Variants in PCBP3 observed in about 807,000 individuals in gnomAD.
PCBP3 encodes the protein poly(rC)-binding protein 3.
In PCBP3, 25 loss-of-function variants were observed where a neutral mutation model predicts 52.7. The observed-to-expected ratio is 0.47, with a 90% CI of 0.35 to 0.66. The LOEUF (loss-of-function observed/expected upper bound fraction) is 0.66. Among genes scored for constraint, PCBP3 ranks in the 30% least tolerant of loss-of-function variants. PCBP3 has a pLI of 0.01. For missense variants in PCBP3, 391 were observed against 490.3 expected (o/e 0.80, Z 1.91); for synonymous variants, 162 against 183.0 (o/e 0.89, Z 0.93).
At chr21:45,883,807 A>T (rs1212761913) in intron 5 of PCBP3, among the ~76,000 whole-genome samples, 1 of 152,160 alleles carries the variant, frequency 6.6e-6, no homozygotes, top group Non-Finnish European at 1.5e-5. Context: ...ACAGCATATG[A>T]TGGGGTCATA....
chr21:45,668,887 T>C lies in PCBP3; in HGVS notation c.-265T>C, dbSNP rs1403279796. ...ATTTTTTTTCAGCACATTGGAGATA[T>C]ATTTCCACAGCATCTGGCTTTTCTT... On this transcript the variant is annotated 5_prime_UTR_variant, in exon 2 of 18. Transcript: ENST00000681687. 1 of 152,238 alleles carries C rather than the reference T, an allele frequency of 6.6e-6. No homozygotes were observed. The highest frequency in any genetic ancestry group is 2.4e-5 in the African/African-American group (1 of 41,464). 9.4% of individuals were successfully genotyped at this position (152,238 alleles called of 1,614,324 possible). A position where few individuals can be genotyped will look rare whatever the true frequency, so the allele number is the denominator to read the frequency against.
chr21:45,734,553 TTTCCTCTCTGCCTTTGCCTCCC>T, intron 2 of PCBP3, among the ~76,000 whole-genome samples: 1 of 152,202 alleles, frequency 6.6e-6, no homozygotes, highest in East Asian at 1.9e-4. Flanking sequence ...ATCTCTCCCC[TTTCCTCTCTGCCTTTGCCTCCC>T]TGAATTCTCA....
intron 4 of PCBP3, among the ~76,000 whole-genome samples, chr21:45,812,564 G>A (rs2147073854): frequency 6.6e-6 from 1 of 152,174 alleles, no homozygotes; most frequent in East Asian, 1.9e-4. Flanking sequence ...AACACACCCG[G>A]CTAATTTTTG....
intron 13 of PCBP3, among the ~76,000 whole-genome samples, chr21:45,924,330 C>T (rs1447487471): frequency 4.7e-5 from 6 of 128,524 alleles, no homozygotes; most frequent in African/African-American, 1.5e-4. Context: ...AAACAGCACA[C>T]GTAAGATCGG....
At chr21:45,909,205 C>T (rs2096278207) in intron 9 of PCBP3, 150 bp from the exon 10 acceptor site, 1 of 776,860 alleles carries the variant, frequency 1.3e-6, no homozygotes, top group African/African-American at 1.8e-5. Context: ...CTGGTCCTCC[C>T]TGGCCTGGCC....
At chr21:45,696,645 G>A (rs779807144) in intron 2 of PCBP3, among the ~76,000 whole-genome samples, 1 of 152,130 alleles carries the variant, frequency 6.6e-6, no homozygotes, top group African/African-American at 2.4e-5. Context: ...ACAAAAATTA[G>A]CTGGGCATGG....
At chr21:45,849,333 G>A (rs1417048157) in intron 4 of PCBP3, among the ~76,000 whole-genome samples, 1 of 151,926 alleles carries the variant, frequency 6.6e-6, no homozygotes, top group Non-Finnish European at 1.5e-5. Context: ...AGCCTCCGGA[G>A]TAGCTGGGAT....
chr21:45,714,561 G>T (rs2084083760), intron 2 of PCBP3, among the ~76,000 whole-genome samples: 1 of 152,114 alleles, frequency 6.6e-6, no homozygotes, highest in African/African-American at 2.4e-5. Context: ...ACTTGAAAGG[G>T]ATTAATATCA....
At chr21:45,907,386 G>A (rs138561948) in intron 9 of PCBP3, among the ~76,000 whole-genome samples, 2 of 152,324 alleles carry the variant, frequency 1.3e-5, no homozygotes, top group Non-Finnish European at 2.9e-5. Flanking sequence ...CGAAAGGGCT[G>A]CCCTCACGCC....
intron 5 of PCBP3, among the ~76,000 whole-genome samples, chr21:45,862,123 C>G (rs1446384642): frequency 7.2e-6 from 1 of 139,846 alleles, no homozygotes; most frequent in Non-Finnish European, 1.5e-5. Context: ...AGCGGAGTCT[C>G]ATGGCCTAAT....
chr21:45,918,230 A>G (rs1248430775), intron 13 of PCBP3: 2 of 157,360 alleles, frequency 1.3e-5, no homozygotes, highest in African/African-American at 4.8e-5. Flanking sequence ...GCTGGGTCCC[A>G]TGCAGCTCCA....
intron 2 of PCBP3, among the ~76,000 whole-genome samples, chr21:45,680,487 T>G (rs1240972847): frequency 6.6e-6 from 1 of 152,190 alleles, no homozygotes; most frequent in African/African-American, 2.4e-5. Context: ...TATTATATTT[T>G]TAATTTGAGT....
intron 3 of PCBP3, among the ~76,000 whole-genome samples, chr21:45,754,021 A>G (rs764658501): frequency 3.9e-5 from 6 of 152,106 alleles, no homozygotes; most frequent in Non-Finnish European, 7.4e-5. Context: ...ACTATTTTTA[A>G]CTGAAACTTT....
At chr21:45,765,538 C>T (rs577912123) in intron 4 of PCBP3, among the ~76,000 whole-genome samples, 49 of 152,332 alleles carry the variant, frequency 3.2e-4, no homozygotes, top group East Asian at 9.7e-4. Flanking sequence ...CCAGGGTGCG[C>T]GCTGCCCCTC....
chr21:45,823,680 G>A (rs1323058292), intron 4 of PCBP3, among the ~76,000 whole-genome samples: 1 of 151,968 alleles, frequency 6.6e-6, no homozygotes, highest in Non-Finnish European at 1.5e-5. Flanking sequence ...GTTCAGGGAT[G>A]CTCCTCAAAG....
In PCBP3 at chr21:45,917,349, CT is replaced by C. The variant is rs1367313044; in HGVS notation, c.676-238del. On this transcript the variant is annotated intron_variant, in intron 12 of 17. Transcript: ENST00000681687. The surrounding 1 kb of genome is among the most constrained non-coding windows in gnomAD (Gnocchi z 5.3). ...GAAGCATCAAGGCTGAACTGTTTCC[CT>C]CCCACCCGCTGAACTGGCCAGCTCA... The C allele has an allele frequency of 2.2e-6, 1 of 447,362 alleles. No individual in the cohort carries two copies. The highest frequency in any genetic ancestry group is 2.0e-5 in the African/African-American group (1 of 48,920). 27.7% of individuals were successfully genotyped at this position (447,362 alleles called of 1,614,324 possible).
Position 45,800,096 on chromosome 21 carries a change from A to G in PCBP3, c.-126+44644A>G, listed in dbSNP as rs1376723898. ...TTGTGCTGTTCTCTCTTCATGAATC[A>G]TGGCCTGGCTTCCGTGCAGCTGCCT... On this transcript the variant is annotated intron_variant, in intron 4 of 17. Transcript: ENST00000681687. The surrounding 1 kb of genome is among the most constrained non-coding windows in gnomAD (Gnocchi z 5.3). Among the ~76,000 whole-genome samples the G allele has an allele frequency of 6.6e-6, 1 of 152,142 alleles. No individual in the cohort carries two copies.
chr21:45,898,666 A>G (rs62213762), intron 6 of PCBP3, among the ~76,000 whole-genome samples: 3,685 of 26,712 alleles, frequency 0.14, 450 homozygotes, highest in African/African-American at 0.24. Flanking sequence ...CCGTCCTCAC[A>G]GCCTCCCTCT....
chr21:45,701,227 AC>A (rs1479329810), intron 2 of PCBP3, among the ~76,000 whole-genome samples: 2 of 152,210 alleles, frequency 1.3e-5, no homozygotes, highest in Non-Finnish European at 2.9e-5. Context: ...AAGCAAACAA[AC>A]AGGTAACTCA....
Sources: allele counts gnomAD v4.1 joint callset (sites outside exome capture counted in the v4.1 genomes callset), GRCh38; gene constraint gnomAD v4.1.1; non-coding constraint Gnocchi (gnomAD v3.1); transcripts MANE v1.5; gene names NCBI Gene and HGNC (gene_info 2026-07-23, HGNC 2026-07-21).